PLCB4: variants seen among roughly 807,000 people sequenced by gnomAD.
PLCB4 encodes the protein phospholipase C beta 4.
Under a neutral mutation model 178.8 loss-of-function variants are expected in PLCB4, and 77 were observed. The ratio of observed to expected loss-of-function variants is 0.43; its 90% CI spans 0.36 to 0.52. The LOEUF is 0.52. Among genes scored for constraint, PLCB4 ranks in the 20% least tolerant of loss-of-function variants. The pLI is 0.00. For missense variants in PLCB4, 1,024 were observed against 1,453.4 expected, an observed-to-expected ratio of 0.70 and a Z score of 4.80; for synonymous variants, 496 against 490.8, an observed-to-expected ratio of 1.01 and a Z score of -0.14.
chr20:9,139,080 A>T (rs1280811464), intron 2 of PLCB4, among the ~76,000 whole-genome samples: 1 of 152,142 alleles, frequency 6.6e-6, no homozygotes, highest in Non-Finnish European at 1.5e-5. Flanking sequence ...GTATCATGGA[A>T]CTATTAATAG....
intron 9 of PLCB4, among the ~76,000 whole-genome samples, chr20:9,366,259 G>T (rs1182575497): frequency 6.6e-6 from 1 of 151,828 alleles, no homozygotes; most frequent in Non-Finnish European, 1.5e-5. Flanking sequence ...TTAGCCGGGT[G>T]TGGTGGCAGG....
intron 28 of PLCB4, among the ~76,000 whole-genome samples, chr20:9,428,278 T>C (rs1269679689): frequency 6.6e-6 from 1 of 152,178 alleles, no homozygotes; most frequent in East Asian, 1.9e-4. Flanking sequence ...CCCAGTTGCA[T>C]ATTCACAGTG....
At chr20:9,395,442 T>A (rs1334961126) in intron 18 of PLCB4, 81 bp from the exon 19 acceptor site, 1 of 876,306 alleles carries the variant, frequency 1.1e-6, no homozygotes, top group Non-Finnish European at 1.9e-6. Flanking sequence ...TTTCACGTCC[T>A]CCTCAGTGTC....
intron 31 of PLCB4, 67 bp from the exon 32 acceptor site, chr20:9,444,111 T>C: frequency 1.4e-6 from 2 of 1,438,254 alleles, no homozygotes; most frequent in East Asian, 4.6e-5. Context: ...TCTCACCAAG[T>C]GTAATCATTG....
intron 2 of PLCB4, among the ~76,000 whole-genome samples, chr20:9,158,515 C>T (rs2092828498): frequency 6.6e-6 from 1 of 151,524 alleles, no homozygotes; most frequent in Non-Finnish European, 1.5e-5. Context: ...GTAATCCACC[C>T]TCCTTGGCCT....
intron 7 of PLCB4, among the ~76,000 whole-genome samples, chr20:9,345,576 T>C (rs1317805301): frequency 6.6e-6 from 1 of 152,208 alleles, no homozygotes; most frequent in Non-Finnish European, 1.5e-5. Context: ...AAATCTGTTA[T>C]TCTATACCAA....
At chr20:9,214,722 T>A (rs185073668) in intron 2 of PLCB4, among the ~76,000 whole-genome samples, 2 of 152,304 alleles carry the variant, frequency 1.3e-5, no homozygotes, top group East Asian at 3.9e-4. Flanking sequence ...TTCATTCACA[T>A]ATTACTACAA....
intron 2 of PLCB4, among the ~76,000 whole-genome samples, chr20:9,099,906 ATT>A (rs916944609): frequency 2.0e-5 from 3 of 152,130 alleles, no homozygotes; most frequent in African/African-American, 7.2e-5. Flanking sequence ...TACAGTAGAC[ATT>A]TATCCCCATT....
intron 19 of PLCB4, among the ~76,000 whole-genome samples, chr20:9,397,338 C>T (rs978818776): frequency 6.6e-6 from 1 of 152,196 alleles, no homozygotes; most frequent in African/African-American, 2.4e-5. Context: ...ACTCTTTCTA[C>T]CACCTCTGCA....
At chr20:9,088,241 G>C (rs1030555225) in intron 1 of PLCB4, among the ~76,000 whole-genome samples, 3 of 145,120 alleles carry the variant, frequency 2.1e-5, no homozygotes, top group Non-Finnish European at 4.5e-5. Flanking sequence ...GGGATCTGTT[G>C]AATTTTCTTT....
At chr20:9,325,714 A>G (rs1005383580) in intron 4 of PLCB4, among the ~76,000 whole-genome samples, 1 of 152,220 alleles carries the variant, frequency 6.6e-6, no homozygotes, top group East Asian at 1.9e-4. Context: ...CATAAAGTCA[A>G]TCGTTAGAAA....
intron 2 of PLCB4, among the ~76,000 whole-genome samples, chr20:9,204,765 A>G (rs972671028): frequency 6.6e-6 from 1 of 152,152 alleles, no homozygotes; most frequent in Admixed American, 6.5e-5. Context: ...TGGGGAATGT[A>G]TATTAGGCTT....
At chr20:9,261,293 G>T (rs912743104) in intron 3 of PLCB4, among the ~76,000 whole-genome samples, 1 of 151,950 alleles carries the variant, frequency 6.6e-6, no homozygotes, top group Non-Finnish European at 1.5e-5. Flanking sequence ...ATGTGCGTGT[G>T]CATTGAAAAG....
chr20:9,458,744 A>G (rs1186149993), intron 34 of PLCB4, among the ~76,000 whole-genome samples: 1 of 152,090 alleles, frequency 6.6e-6, no homozygotes, highest in Non-Finnish European at 1.5e-5. Context: ...TGCTTGCATC[A>G]CATTTGCTAC....
At chr20:9,372,198 A>T (rs541533300) in intron 10 of PLCB4, 105 bp from the exon 11 acceptor site, 23 of 645,478 alleles carry the variant, frequency 3.6e-5, no homozygotes, top group Admixed American at 8.4e-5. Context: ...AGAGATGAAG[A>T]CCCTGAGTCC....
intron 39 of PLCB4, among the ~76,000 whole-genome samples, chr20:9,477,783 A>AGAAGAAG (rs1364785058): frequency 6.6e-6 from 1 of 152,182 alleles, no homozygotes; most frequent in Non-Finnish European, 1.5e-5. Flanking sequence ...AGAAGTAAGA[A>AGAAGAAG]GAAGAAGGAA....
chr20:9,255,152 G>A lies in PLCB4; in HGVS notation c.-16+37700G>A, dbSNP rs566473974. ...TTGTACCTTGCCCTGTTAATGGTGC[G>A]CTCACCAATAATCTCATCATCCTCT... On this transcript the variant is annotated intron_variant, in intron 3 of 39. Transcript: ENST00000378473. 7.9e-5 allele frequency among the ~76,000 whole-genome samples: 12 copies of A among 152,264 alleles called. No homozygotes were observed. The South Asian group carries it at 1.9e-3, about 24-fold the overall frequency.
At chr20:9,382,575 C>A (rs566037066) in intron 13 of PLCB4, among the ~76,000 whole-genome samples, 228 of 152,280 alleles carry the variant, frequency 1.5e-3, no homozygotes, top group Non-Finnish European at 2.9e-3. Context: ...CATACATCTG[C>A]ATCAAGGTCT....
At chr20:9,177,394 C>T (rs569511337) in intron 2 of PLCB4, among the ~76,000 whole-genome samples, 7 of 152,220 alleles carry the variant, frequency 4.6e-5, no homozygotes, top group Admixed American at 1.3e-4. Flanking sequence ...TAATTTGTGT[C>T]GAATACCAAG....
Sources: allele counts gnomAD v4.1 joint callset (sites outside exome capture counted in the v4.1 genomes callset), GRCh38; gene constraint gnomAD v4.1.1; transcripts MANE v1.5; gene names NCBI Gene and HGNC (gene_info 2026-07-23, HGNC 2026-07-21).